CEP78: variants seen among roughly 807,000 people sequenced by gnomAD.
CEP78 encodes centrosomal protein of 78 kDa.
CEP78 carries 76 observed loss-of-function variants against 81.2 expected under a neutral mutation model. The observed-to-expected ratio is 0.94, with a 90% CI of 0.78 to 1.13. CEP78 has a LOEUF of 1.13. CEP78 is among the 50% of genes most tolerant of loss of function. CEP78 has a pLI of 0.00. For synonymous variants in CEP78, 293 were observed against 301.4 expected (o/e 0.97, Z 0.29); for missense variants, 918 against 846.8 (o/e 1.08, Z -1.04).
In CEP78 at chr9:78,264,192, T is replaced by G. The variant is rs1275129852; in HGVS notation, c.1501T>G (p.Leu501Val). 6.6e-7 allele frequency: 1 copy of G among 1,520,726 alleles called. No homozygotes were observed. The highest frequency in any genetic ancestry group is 2.5e-5 in the East Asian group (1 of 40,004). The allele number at this position is 1,520,726 out of a possible 1,614,324, so 94.2% of individuals were successfully genotyped here. Residue 501 changes from leucine to valine, a missense_variant, in exon 13 of 17, where the codon TTG becomes GTG. Leu to Val is a conservative substitution (Grantham distance 32). Coordinates refer to ENST00000643273, the MANE Select transcript of CEP78 (RefSeq NM_001330691.3). ...CCAGTTAAGAAATATAAATTTCTCT[T>G]TGTCTGAAGCCCTTCATGCACAGTC... The part of the protein sequence containing the change: ...NAQLRNINFS[L>V]SEALHAQSLT...
At chr9:78,242,072 A>G (rs898304596) in intron 4 of CEP78, among the ~76,000 whole-genome samples, 1 of 152,212 alleles carries the variant, frequency 6.6e-6, no homozygotes, top group African/African-American at 2.4e-5. Context: ...TGCCTTAACA[A>G]CTTTATAGTG....
intron 15 of CEP78, among the ~76,000 whole-genome samples, chr9:78,266,225 T>C (rs542746307): frequency 6.6e-6 from 1 of 152,170 alleles, no homozygotes; most frequent in South Asian, 2.1e-4. Context: ...GAGACATAAA[T>C]TAGTAATAAT....
intron 11 of CEP78, among the ~76,000 whole-genome samples, chr9:78,258,296 T>C (rs937214786): frequency 6.6e-6 from 1 of 152,158 alleles, no homozygotes; most frequent in East Asian, 1.9e-4. Context: ...AACACTGATC[T>C]ATCTGTCTCT....
chr9:78,273,955 A>C lies in CEP78; in HGVS notation c.*3104A>C, dbSNP rs375165731. On this transcript the variant is annotated 3_prime_UTR_variant, in exon 17 of 17. Transcript: ENST00000643273. ...GTTCCTCACAGCTGGTAGGAATGCA[A>C]AATGACTCAGTCACTCAAAACAGTT... is the stretch of plus-strand genomic sequence containing the variant. 6.6e-6 allele frequency: 1 copy of C among 152,396 alleles called. No individual in the cohort carries two copies. Among genetic ancestry groups the C allele is most frequent in the Non-Finnish European group, 1.5e-5 (1 of 68,052 alleles). The allele number at this position is 152,396 out of a possible 1,614,324, so 9.4% of individuals were successfully genotyped here. A position where few individuals can be genotyped will look rare whatever the true frequency, so the allele number is the denominator to read the frequency against.
chr9:78,255,769 T>A (rs10867168), intron 11 of CEP78, among the ~76,000 whole-genome samples: 89,688 of 152,064 alleles, frequency 0.59, 26,738 homozygotes, highest in Admixed American at 0.69. Flanking sequence ...ATGAGCACCT[T>A]TTGTTTGTAG....
intron 9 of CEP78, 26 bp downstream of exon 9, chr9:78,252,069 T>C: frequency 4.5e-6 from 7 of 1,541,312 alleles, no homozygotes; most frequent in Non-Finnish European, 6.2e-6. Flanking sequence ...TTCCTATCTT[T>C]TAGGATAAAA....
At chr9:78,249,193 G>T (rs11137575) in intron 8 of CEP78, 9,762 of 153,568 alleles carry the variant, frequency 0.064, 409 homozygotes, top group Admixed American at 0.11. Context: ...GATGCACTTT[G>T]ATGACAGTTT....
rs1827718796 is a variant in CEP78 at position 78,272,672 on chromosome 9, G to A, written c.*1821G>A. 1 of 152,180 alleles carries A rather than the reference G, an allele frequency of 6.6e-6. No individual in the cohort carries two copies. The highest frequency in any genetic ancestry group is 1.5e-5 in the Non-Finnish European group (1 of 68,028). 9.4% of individuals were successfully genotyped at this position (152,180 alleles called of 1,614,324 possible). ...GTATGTTAGTAAGGATAGGTTAGGT[G>A]ATGTTGCATTAACAGCTCCCAAATT... is the stretch of plus-strand genomic sequence containing the variant. On this transcript the variant is annotated 3_prime_UTR_variant, in exon 17 of 17. Coordinates refer to ENST00000643273, the MANE Select transcript of CEP78 (RefSeq NM_001330691.3).
chr9:78,244,214 G>A (rs1021170400), intron 5 of CEP78, among the ~76,000 whole-genome samples: 16 of 145,778 alleles, frequency 1.1e-4, no homozygotes, highest in African/African-American at 4.1e-4. Flanking sequence ...ATCATACCGC[G>A]CTGTAGCCTT....
chr9:78,249,069 T>C lies in CEP78; in HGVS notation c.1069+196T>C, dbSNP rs11137574. 14,910 of 264,464 alleles carry C rather than the reference T, an allele frequency of 0.056. 588 individuals are homozygous for C. The highest frequency in any genetic ancestry group is 0.11 in the Admixed American group (2,072 of 18,320). The allele number at this position is 264,464 out of a possible 1,614,324, so 16.4% of individuals were successfully genotyped here. A position where few individuals can be genotyped will look rare whatever the true frequency, so the allele number is the denominator to read the frequency against. On this transcript the variant is annotated intron_variant, in intron 8 of 16. Transcript: ENST00000643273. ...AGTAAATGAATCATTAGGAAAGGGA[T>C]GCTAGTGCTTCCATTTAAAAAATTA...
chr9:78,246,414 A>C (rs1200524625), intron 5 of CEP78, among the ~76,000 whole-genome samples: 1 of 152,166 alleles, frequency 6.6e-6, no homozygotes, highest in Non-Finnish European at 1.5e-5. Context: ...CCTGGCTAAC[A>C]CGGTGAAACC....
intron 12 of CEP78, among the ~76,000 whole-genome samples, chr9:78,263,236 T>G (rs1827358938): frequency 6.6e-6 from 1 of 152,154 alleles, no homozygotes; most frequent in Admixed American, 6.5e-5. Flanking sequence ...GACTGGAGCT[T>G]ATTTTCTGTT....
intron 5 of CEP78, among the ~76,000 whole-genome samples, chr9:78,246,427 G>A (rs902959478): frequency 6.6e-6 from 1 of 152,118 alleles, no homozygotes; most frequent in Non-Finnish European, 1.5e-5. Flanking sequence ...GTGAAACCCT[G>A]TCTCTACTAA....
At chr9:78,246,329 G>T (rs1826477788) in intron 5 of CEP78, among the ~76,000 whole-genome samples, 1 of 152,210 alleles carries the variant, frequency 6.6e-6, no homozygotes, top group Admixed American at 6.5e-5. Flanking sequence ...GCCGGGCGAG[G>T]TGGCTCACGC....
chr9:78,248,192 C>T (rs1826586327), intron 6 of CEP78, 99 bp from the exon 7 acceptor site: 5 of 697,014 alleles, frequency 7.2e-6, no homozygotes, highest in African/African-American at 1.8e-5. Context: ...TATTCAATTT[C>T]ATGGGAAAAA....
Position 78,236,103 on chromosome 9 carries a change from A to C in CEP78, c.-248A>C. 5.8e-6 allele frequency: 3 copies of C among 519,934 alleles called. No homozygotes were observed. The highest frequency in any genetic ancestry group is 2.3e-5 in the South Asian group (1 of 43,588). The allele number at this position is 519,934 out of a possible 1,614,324, so 32.2% of individuals were successfully genotyped here. On this transcript the variant is annotated 5_prime_UTR_variant, in exon 1 of 17. The change abolishes an upstream ATG in the 5' untranslated region. Transcript: ENST00000643273. ...TTGAATCCCGGCGCCTCAGAGGACTATGAGGCGGGCGCCAACTGCTTGGGC... is the reference window on the plus strand; with the variant it reads ...TTGAATCCCGGCGCCTCAGAGGACTCTGAGGCGGGCGCCAACTGCTTGGGC...
chr9:78,258,908 G>C (rs80226252), intron 11 of CEP78, among the ~76,000 whole-genome samples: 16,517 of 152,240 alleles, frequency 0.11, 1,227 homozygotes, highest in Non-Finnish European at 0.17. Flanking sequence ...GCTTACACCG[G>C]AAGTATAAGT....
chr9:78,250,362 A>C (rs1826698367), intron 8 of CEP78: 1 of 397,448 alleles, frequency 2.5e-6, no homozygotes, highest in South Asian at 1.3e-4. Context: ...TCATATTGCA[A>C]TTACGTGTGC....
rs1302109111 is a variant in CEP78, at chr9:78,276,818, A to G, written c.*5967A>G. 4 of 152,244 alleles carry G rather than the reference A, an allele frequency of 2.6e-5. No individual in the cohort carries two copies. The highest frequency in any genetic ancestry group is 9.6e-5 in the African/African-American group (4 of 41,470). The allele number at this position is 152,244 out of a possible 1,614,324, so 9.4% of individuals were successfully genotyped here. On this transcript the variant is annotated 3_prime_UTR_variant, in exon 17 of 17. Transcript: ENST00000643273. ...CCATGTATAAGACCCAACATAATAAATAGTTCTACCAAATTAATTTATAAA... is the reference window on the plus strand; with the variant it reads ...CCATGTATAAGACCCAACATAATAAGTAGTTCTACCAAATTAATTTATAAA...
Sources: allele counts gnomAD v4.1 joint callset (sites outside exome capture counted in the v4.1 genomes callset), GRCh38; gene constraint gnomAD v4.1.1; transcripts MANE v1.5; gene names NCBI Gene and HGNC (gene_info 2026-07-23, HGNC 2026-07-21).